The following RASA2 variants were observed in gnomAD, a reference collection of about 807,000 sequenced individuals.
RASA2 encodes RAS p21 protein activator 2.
In RASA2, 155 loss-of-function variants were observed where a neutral mutation model predicts 118.2. That is an observed-to-expected ratio of 1.31 (90% CI 1.15 to 1.50). RASA2 has a LOEUF of 1.50. Among genes scored for constraint, RASA2 ranks in the 40% most tolerant of loss-of-function variants. The probability of loss-of-function intolerance (pLI) is 0.00; values close to 1 mark genes in which losing one functional copy is unlikely to be tolerated. For synonymous variants in RASA2, 353 were observed against 349.1 expected, an observed-to-expected ratio of 1.01 and a Z score of -0.12; for missense variants, 1,016 against 1,009.6, an observed-to-expected ratio of 1.01 and a Z score of -0.09.
intron 19 of RASA2, among the ~76,000 whole-genome samples, chr3:141,601,284 G>A (rs2083458670): frequency 6.6e-6 from 1 of 152,034 alleles, no homozygotes; most frequent in African/African-American, 2.4e-5. Context: ...AAAATTAGCT[G>A]TGCATGGTGG....
chr3:141,584,601 T>G (rs578029295), intron 17 of RASA2, among the ~76,000 whole-genome samples: 1 of 152,332 alleles, frequency 6.6e-6, no homozygotes. Context: ...ATACCATCTC[T>G]CAGAGCTAAA....
chr3:141,565,804 C>T (rs1181044051), intron 9 of RASA2, among the ~76,000 whole-genome samples: 1 of 152,194 alleles, frequency 6.6e-6, no homozygotes, highest in Non-Finnish European at 1.5e-5. Flanking sequence ...TCTGAGTCAC[C>T]TTTGCTAACA....
chr3:141,591,126 A>T (rs181201098), intron 19 of RASA2, among the ~76,000 whole-genome samples: 13 of 152,316 alleles, frequency 8.5e-5, no homozygotes, highest in Non-Finnish European at 1.6e-4. Flanking sequence ...CAAACTAGTT[A>T]TTGATGTTCT....
chr3:141,574,914 A>G (rs886512076), intron 14 of RASA2, among the ~76,000 whole-genome samples: 3 of 152,360 alleles, frequency 2.0e-5, no homozygotes, highest in Non-Finnish European at 4.4e-5. Context: ...AGGTACATAT[A>G]TCAGTAACTG....
chr3:141,578,053 T>C (rs2083041531), intron 15 of RASA2, among the ~76,000 whole-genome samples: 1 of 152,232 alleles, frequency 6.6e-6, no homozygotes, highest in Non-Finnish European at 1.5e-5. Flanking sequence ...ATAATAACAA[T>C]AGTCCACATT....
chr3:141,612,424 C>A lies in RASA2; in HGVS notation c.*111C>A. 1.3e-6 allele frequency: 1 copy of A among 777,396 alleles called. No homozygotes were observed. Among genetic ancestry groups the A allele is most frequent in the Non-Finnish European group, 2.1e-6 (1 of 485,438 alleles). The allele number at this position is 777,396 out of a possible 1,614,324, so 48.2% of individuals were successfully genotyped here. A position where few individuals can be genotyped will look rare whatever the true frequency, so the allele number is the denominator to read the frequency against. On this transcript the variant is annotated 3_prime_UTR_variant, in exon 24 of 24. Transcript: ENST00000286364. ...TAAGAATGAGCATCCGCTTCAATGT[C>A]ATCTGCCTCCACATTGTATTTAATA... is the stretch of plus-strand genomic sequence containing the variant.
Position 141,580,069 on chromosome 3 carries a change from G to GA in RASA2, c.1591-282dup, listed in dbSNP as rs1165547118. Among the ~76,000 whole-genome samples, 166 of 67,904 alleles carry GA rather than the reference G, an allele frequency of 2.4e-3. 1 individual carries two copies. The highest frequency in any genetic ancestry group is 6.9e-3 in the South Asian group (10 of 1,458). The allele number at this position is 67,904 out of a possible 152,430, so 44.5% of individuals were successfully genotyped here. ...AGACTCCATCTCAGGAAAAAAAAAA[G>GA]AAAAAAAAAAAAAAAAATATATATA... On this transcript the variant is annotated intron_variant, in intron 15 of 23. Transcript: ENST00000286364.
At chr3:141,555,052 A>G (rs987210916) in intron 6 of RASA2, among the ~76,000 whole-genome samples, 1 of 152,164 alleles carries the variant, frequency 6.6e-6, no homozygotes, top group Non-Finnish European at 1.5e-5. Context: ...ACCTGAGGTC[A>G]GGAGTTCGAG....
intron 1 of RASA2, among the ~76,000 whole-genome samples, chr3:141,510,147 T>C (rs2151079043): frequency 6.6e-6 from 1 of 152,354 alleles, no homozygotes; most frequent in East Asian, 1.9e-4. Context: ...AGCAGAAAGA[T>C]ACTTGAGTTT....
In RASA2 at chr3:141,580,047, C is replaced by T. The variant is rs559068995; in HGVS notation, c.1591-321C>T. Among the ~76,000 whole-genome samples, 5 of 110,098 alleles carry T rather than the reference C, an allele frequency of 4.5e-5. No homozygotes were observed. The South Asian group carries it at 1.2e-3, about 26-fold the overall frequency. 72.2% of individuals were successfully genotyped at this position (110,098 alleles called of 152,430 possible). A position where few individuals can be genotyped will look rare whatever the true frequency, so the allele number is the denominator to read the frequency against. On this transcript the variant is annotated intron_variant, in intron 15 of 23. Coordinates refer to ENST00000286364, the MANE Select transcript of RASA2 (RefSeq NM_006506.5). Reference sequence around the variant, plus strand: ...CTCCAGCCTGGGCAACAGAGTGAGACTCCATCTCAGGAAAAAAAAAAGAAA... The same window carrying T: ...CTCCAGCCTGGGCAACAGAGTGAGATTCCATCTCAGGAAAAAAAAAAGAAA...
At chr3:141,610,275 G>A (rs2083617456) in intron 23 of RASA2, among the ~76,000 whole-genome samples, 1 of 144,572 alleles carries the variant, frequency 6.9e-6, no homozygotes, top group Non-Finnish European at 1.5e-5. Context: ...ATACTTTATC[G>A]ACTTTTTAAT....
chr3:141,555,900 CT>C lies in RASA2; in HGVS notation c.676del (p.Tyr226IlefsTer4), dbSNP rs1264067188. 1 of 1,608,216 alleles carries C rather than the reference CT, an allele frequency of 6.2e-7. No homozygotes were observed. The highest frequency in any genetic ancestry group is 1.1e-5 in the South Asian group (1 of 90,698). On this transcript the variant is annotated frameshift_variant, in exon 7 of 24. Transcript: ENST00000286364. LOFTEE classifies it high-confidence loss of function. ...KTSNPQFNEI[F>X]YFEVTRSSSY... ...CAAGCAATCCGCAGTTTAATGAAAT[CT>C]TTTATTTTGAGGTAATTTTTTGTTT...
chr3:141,574,698 G>A (rs1199421309), intron 14 of RASA2, among the ~76,000 whole-genome samples: 4 of 152,132 alleles, frequency 2.6e-5, no homozygotes, highest in Non-Finnish European at 5.9e-5. Flanking sequence ...TATACCAGAT[G>A]CTTATGAGAG....
chr3:141,487,324 C>T (rs1577624036), intron 1 of RASA2, 108 bp downstream of exon 1: 4 of 1,166,108 alleles, frequency 3.4e-6, no homozygotes, highest in East Asian at 4.0e-5. Flanking sequence ...GGATCGCGGG[C>T]CCGGGAGGGG....
chr3:141,499,232 A>G (rs1478305685), intron 1 of RASA2, among the ~76,000 whole-genome samples: 2 of 152,182 alleles, frequency 1.3e-5, no homozygotes, highest in Non-Finnish European at 2.9e-5. Flanking sequence ...TTTATCACTG[A>G]GGAGTTGCAG....
chr3:141,524,394 C>T (rs1420071402), intron 3 of RASA2, among the ~76,000 whole-genome samples: 1 of 151,962 alleles, frequency 6.6e-6, no homozygotes, highest in Non-Finnish European at 1.5e-5. Context: ...GTGTAGATAA[C>T]CAGGAGTTAT....
intron 4 of RASA2, among the ~76,000 whole-genome samples, chr3:141,537,123 G>A (rs1256917294): frequency 6.6e-6 from 1 of 152,070 alleles, no homozygotes; most frequent in Non-Finnish European, 1.5e-5. Flanking sequence ...TCTTGAATCT[G>A]TGGCTTGTCT....
At chr3:141,496,797 C>T (rs1316954223) in intron 1 of RASA2, among the ~76,000 whole-genome samples, 1 of 152,134 alleles carries the variant, frequency 6.6e-6, no homozygotes, top group Non-Finnish European at 1.5e-5. Flanking sequence ...CCATTTGACC[C>T]AGCCATCCCA....
chr3:141,497,066 C>T (rs1488539902), intron 1 of RASA2, among the ~76,000 whole-genome samples: 3 of 150,144 alleles, frequency 2.0e-5, no homozygotes, highest in Admixed American at 1.3e-4. Context: ...ATCACAAGGA[C>T]GAAAAACCAA....
Sources: gnomAD v4.1 joint callset for allele counts (sites outside exome capture counted in the v4.1 genomes callset) on GRCh38, gnomAD v4.1.1 for gene constraint, MANE v1.5 for transcripts, NCBI Gene and HGNC (gene_info 2026-07-23, HGNC 2026-07-21) for gene names.